CLTCL1: variants seen among roughly 807,000 people sequenced by gnomAD.
CLTCL1 encodes clathrin heavy chain like 1.
Under a neutral mutation model 190.0 loss-of-function variants are expected in CLTCL1, and 159 were observed. The ratio of observed to expected loss-of-function variants is 0.84; its 90% CI spans 0.74 to 0.95. The LOEUF (loss-of-function observed/expected upper bound fraction) is 0.95, where lower values mean the gene tolerates loss of function less well. Ranked by LOEUF, CLTCL1 falls within the 40% of genes least tolerant of loss-of-function variation. The pLI, the probability that CLTCL1 is intolerant of heterozygous loss-of-function variation, is 0.00. For synonymous variants in CLTCL1, 752 were observed against 769.6 expected (o/e 0.98, Z 0.38); for missense variants, 1,878 against 2,033.4 (o/e 0.92, Z 1.47).
chr22:19,259,752 G>C (rs2086883994), intron 2 of CLTCL1, among the ~76,000 whole-genome samples: 1 of 152,000 alleles, frequency 6.6e-6, no homozygotes, highest in South Asian at 2.1e-4. Context: ...ATTGAAATTA[G>C]GCCATTTAAC....
intron 22 of CLTCL1, among the ~76,000 whole-genome samples, chr22:19,204,879 G>A (rs542995543): frequency 6.6e-6 from 1 of 152,264 alleles, no homozygotes; most frequent in Admixed American, 6.5e-5. Flanking sequence ...CAGGCCTGGG[G>A]CCACTATGAA....
chr22:19,216,174 G>C lies in CLTCL1; in HGVS notation c.3002C>G (p.Pro1001Arg). 1 of 1,613,934 alleles carries C rather than the reference G, an allele frequency of 6.2e-7. No individual in the cohort carries two copies. Among genetic ancestry groups the C allele is most frequent in the Non-Finnish European group, 8.5e-7 (1 of 1,179,828 alleles). The change falls in exon 19 of 33, where the codon CCT becomes CGT. Residue 1001 changes from proline to arginine, a missense_variant. Pro to Arg is a moderately radical substitution (Grantham distance 103). Transcript: ENST00000427926. ...TVKAFMTADLPNELIELLEKI... is the reference protein window; with the variant it reads ...TVKAFMTADLRNELIELLEKI... ...CTCCAGCAGTTCAATCAGTTCATTA[G>C]GCAGGTCGGCTGTCATAAAGGCTTT...
chr22:19,221,420 C>G lies in CLTCL1; in HGVS notation c.2753G>C (p.Cys918Ser). 6 of 1,560,720 alleles carry G rather than the reference C, an allele frequency of 3.8e-6. No homozygotes were observed. The highest frequency in any genetic ancestry group is 5.2e-6 in the Non-Finnish European group (6 of 1,151,936). Residue 918 changes from cysteine (C) to serine (S), a missense_variant, in exon 17 of 33, where the codon TGT becomes TCT. Physicochemically the swap from Cys to Ser is moderately radical, Grantham distance 112. Transcript: ENST00000427926. ...ACACTGCCCCCGCTCATAGGCAACACAGGCCAGATGGGGGTCTCGCTTCTC... is the reference window on the plus strand; with the variant it reads ...ACACTGCCCCCGCTCATAGGCAACAGAGGCCAGATGGGGGTCTCGCTTCTC... ...YCEKRDPHLA[C>S]VAYERGQCDL...
chr22:19,244,717 C>T (rs1438995061), intron 3 of CLTCL1, among the ~76,000 whole-genome samples: 8 of 152,160 alleles, frequency 5.3e-5, no homozygotes, highest in Admixed American at 5.2e-4. Flanking sequence ...GGCCTTGGGC[C>T]GATGTCCTGC....
Position 19,275,817 on chromosome 22 carries a change from C to G in CLTCL1, c.56G>C (p.Gly19Ala). ...GAATCCAATGTTAGCTGGATTAATT[C>G]CAAGGTTTTGGAGCTAAACAGAAAA... ...FQEHFQLQNLGINPANIGFST... is the reference protein window; with the variant it reads ...FQEHFQLQNLAINPANIGFST... The change falls in exon 2 of 33, where the codon GGA becomes GCA. Residue 19 changes from glycine to alanine, a missense_variant. Coordinates refer to ENST00000427926, the MANE Select transcript of CLTCL1 (RefSeq NM_007098.4). The G allele has an allele frequency of 6.3e-7, 1 of 1,598,860 alleles. No individual in the cohort carries two copies. Among genetic ancestry groups the G allele is most frequent in the South Asian group, 1.1e-5 (1 of 88,158 alleles).
chr22:19,257,928 T>C, intron 2 of CLTCL1: 1 of 1,151,260 alleles, frequency 8.7e-7, no homozygotes, highest in Non-Finnish European at 1.2e-6. Context: ...ACTGAGAAGC[T>C]GATGGCTCAG....
At chr22:19,255,653 T>C (rs1174511223) in intron 2 of CLTCL1, among the ~76,000 whole-genome samples, 4 of 152,136 alleles carry the variant, frequency 2.6e-5, no homozygotes, top group African/African-American at 9.6e-5. Context: ...CTCACGCCTG[T>C]AATCCCAGCA....
intron 29 of CLTCL1, chr22:19,184,904 C>T (rs1295195684): frequency 2.8e-5 from 7 of 252,534 alleles, no homozygotes; most frequent in Non-Finnish European, 4.7e-5. Context: ...TCCTGGTCCC[C>T]ATCCCTGTGT....
intron 22 of CLTCL1, among the ~76,000 whole-genome samples, chr22:19,202,742 A>G (rs1052889427): frequency 4.6e-5 from 7 of 152,050 alleles, no homozygotes; most frequent in Non-Finnish European, 7.4e-5. Flanking sequence ...TAACTCTTTC[A>G]TATCTCCTTC....
At chr22:19,249,865 A>C in intron 3 of CLTCL1, 2 of 412,022 alleles carry the variant, frequency 4.9e-6, no homozygotes, top group South Asian at 3.5e-5. Flanking sequence ...AAACTTAAAA[A>C]AAAAATCGCC....
At chr22:19,231,728 T>C (rs2085922568) in intron 10 of CLTCL1, among the ~76,000 whole-genome samples, 1 of 152,234 alleles carries the variant, frequency 6.6e-6, no homozygotes, top group Non-Finnish European at 1.5e-5. Flanking sequence ...GTGGAACTTC[T>C]CATAAAGTAT....
chr22:19,262,741 C>T (rs1387872688), intron 2 of CLTCL1, among the ~76,000 whole-genome samples: 1 of 150,946 alleles, frequency 6.6e-6, no homozygotes, highest in Non-Finnish European at 1.5e-5. Flanking sequence ...AAAAAGTTTA[C>T]AACTCGCAGC....
rs568137344 is a variant in CLTCL1, at chr22:19,253,976, C to G, written c.502G>C (p.Val168Leu). The G allele has an allele frequency of 9.3e-6, 15 of 1,612,536 alleles. No individual in the cohort carries two copies. The South Asian group carries it at 1.7e-4, about 18-fold the overall frequency. ...TDEYQKWLLL[V>L]GISAQQNRVV... ...AGGCTTACCTGAGCCGAGATGCCTACGAGCAGCAGCCACTTCTGGTACTCA... is the reference window on the plus strand; with the variant it reads ...AGGCTTACCTGAGCCGAGATGCCTAGGAGCAGCAGCCACTTCTGGTACTCA... The change falls in exon 3 of 33, where the codon GTA becomes CTA. Residue 168 changes from valine (V) to leucine (L), a missense_variant. By Grantham distance (32) the Val-to-Leu change is conservative (BLOSUM62 1). Transcript: ENST00000427926.
At chr22:19,286,906 A>G (rs2087926805) in intron 1 of CLTCL1, among the ~76,000 whole-genome samples, 1 of 152,178 alleles carries the variant, frequency 6.6e-6, no homozygotes, top group South Asian at 2.1e-4. Flanking sequence ...TTCTCCTACA[A>G]TTCTAATGCT....
In CLTCL1 at chr22:19,243,162, A is replaced by C. The variant is rs781956912; in HGVS notation, c.520-226T>G. On this transcript the variant is annotated intron_variant, in intron 3 of 32. Transcript: ENST00000427926. ...AAGACCACAAAAAAGTAAGATGGAC[A>C]AACCTAATTTGTTAAATATAGTAAG... is the stretch of plus-strand genomic sequence containing the variant. 6.6e-5 allele frequency among the ~76,000 whole-genome samples: 10 copies of C among 152,226 alleles called. No homozygotes were observed. In the South Asian group the frequency reaches 1.9e-3, roughly 28 times the overall value.
Position 19,233,586 on chromosome 22 carries a change from G to C in CLTCL1, c.1204C>G (p.Gln402Glu). 2 of 1,613,556 alleles carry C rather than the reference G, an allele frequency of 1.2e-6. No individual in the cohort carries two copies. Among genetic ancestry groups the C allele is most frequent in the Non-Finnish European group, 1.7e-6 (2 of 1,179,880 alleles). The change falls in exon 8 of 33, where the codon CAG (glutamine) becomes GAG (glutamate). Residue 402 changes from glutamine to glutamate, a missense_variant. By Grantham distance (29) the Gln-to-Glu change is conservative (BLOSUM62 2). Coordinates refer to ENST00000427926, the MANE Select transcript of CLTCL1 (RefSeq NM_007098.4). ...TGGCCAGACTGAGCGGGTATACTCT[G>C]GAATTTCTGGACCGTCTCTCTGGTA... ...LRTRETVQKFQSIPAQSGQAS... is the reference protein window; with the variant it reads ...LRTRETVQKFESIPAQSGQAS...
At chr22:19,277,611 A>G (rs1555984158) in intron 1 of CLTCL1, among the ~76,000 whole-genome samples, 1 of 152,210 alleles carries the variant, frequency 6.6e-6, no homozygotes, top group Non-Finnish European at 1.5e-5. Flanking sequence ...TATTACAAGA[A>G]AGTCCCTTCA....
intron 2 of CLTCL1, among the ~76,000 whole-genome samples, chr22:19,257,356 A>C (rs2086794863): frequency 1.3e-5 from 2 of 152,206 alleles, no homozygotes; most frequent in Admixed American, 1.3e-4. Context: ...TACTCTTTTC[A>C]ACAAATAATA....
chr22:19,193,709 C>G (rs534418317), intron 26 of CLTCL1, among the ~76,000 whole-genome samples: 1 of 152,316 alleles, frequency 6.6e-6, no homozygotes, highest in Non-Finnish European at 1.5e-5. Context: ...AAGAATGAAG[C>G]CACAGACCCT....
Sources: allele counts gnomAD v4.1 joint callset (sites outside exome capture counted in the v4.1 genomes callset), GRCh38; gene constraint gnomAD v4.1.1; transcripts MANE v1.5; gene names NCBI Gene and HGNC (gene_info 2026-07-23, HGNC 2026-07-21).